The following ZBED6 variants were observed in gnomAD, a reference collection of about 807,000 sequenced individuals.
The protein encoded by ZBED6 is zinc finger BED domain-containing protein 6.
In ZBED6, 40 loss-of-function variants were observed where a neutral mutation model predicts 58.4. The observed-to-expected ratio is 0.68, with a 90% CI of 0.53 to 0.89. The LOEUF (loss-of-function observed/expected upper bound fraction) is 0.89, where lower values mean the gene tolerates loss of function less well. Among genes scored for constraint, ZBED6 ranks in the 40% least tolerant of loss-of-function variants. The probability of loss-of-function intolerance (pLI) is 0.00; values close to 1 mark genes in which losing one functional copy is unlikely to be tolerated. For missense variants in ZBED6, 1,057 were observed against 1,003.9 expected, an observed-to-expected ratio of 1.05 and a Z score of -0.71; for synonymous variants, 439 against 350.6, an observed-to-expected ratio of 1.25 and a Z score of -2.82.
intron 9 of ZBED6, among the ~76,000 whole-genome samples, chr1:203,837,582 C>T (rs544971759): frequency 6.6e-6 from 1 of 152,026 alleles, no homozygotes; most frequent in Admixed American, 6.6e-5. Context: ...TCAAGTGATC[C>T]TTCTGCTTCA....
chr1:203,798,581 A>G, exon 1 of ZBED6: 1 of 1,536,164 alleles, frequency 6.5e-7, no homozygotes, highest in Non-Finnish European at 8.7e-7. Flanking sequence ...AAAAGTCTAC[A>G]GGCAGCCAAG....
exon 1 of ZBED6, chr1:203,799,955 A>C: frequency 6.5e-7 from 1 of 1,536,132 alleles, no homozygotes. Flanking sequence ...AGATCTGCCA[A>C]ATTCCAACTT....
exon 1 of ZBED6, chr1:203,798,329 T>A (rs1186228586): frequency 1.3e-6 from 2 of 1,536,132 alleles, no homozygotes; most frequent in South Asian, 2.4e-5. Context: ...CATCTGCCGT[T>A]TGGAATTTTT....
At chr1:203,819,283 G>A (rs541210219) in intron 3 of ZBED6, among the ~76,000 whole-genome samples, 1 of 147,920 alleles carries the variant, frequency 6.8e-6, no homozygotes, top group African/African-American at 2.5e-5. Flanking sequence ...GTGCAGTGGC[G>A]CAATCTCTGC....
intron 6 of ZBED6, 72 bp from the exon 7 acceptor site, chr1:203,830,051 C>T (rs1681760794): frequency 2.2e-6 from 3 of 1,357,020 alleles, no homozygotes; most frequent in East Asian, 4.6e-5. Context: ...AAATAAATGC[C>T]TGCTATGTAC....
At chr1:203,840,205 C>A (rs1685667662) in intron 10 of ZBED6, 101 bp from the exon 11 acceptor site, 1 of 1,162,414 alleles carries the variant, frequency 8.6e-7, no homozygotes, top group Non-Finnish European at 1.2e-6. Context: ...TCCCAAAGTT[C>A]TGGGATTACA....
chr1:203,799,636 A>C, exon 1 of ZBED6: 1 of 703,446 alleles, frequency 1.4e-6, no homozygotes, highest in Non-Finnish European at 2.6e-6. Context: ...GTGAGCGTGA[A>C]GACCGCAGGA....
At chr1:203,820,467 T>G (rs1355614840) in intron 3 of ZBED6, among the ~76,000 whole-genome samples, 1 of 106,892 alleles carries the variant, frequency 9.4e-6, no homozygotes, top group African/African-American at 2.8e-5. Flanking sequence ...TATCACAAAT[T>G]ATGTGTGTGT....
intron 1 of ZBED6, among the ~76,000 whole-genome samples, chr1:203,812,151 A>T (rs886120220): frequency 6.6e-6 from 1 of 152,132 alleles, no homozygotes; most frequent in African/African-American, 2.4e-5. Flanking sequence ...GTACATGTGC[A>T]GGATGTGCAG....
At chr1:203,851,237 C>T in intron 16 of ZBED6, 113 bp downstream of exon 16, 1 of 944,416 alleles carries the variant, frequency 1.1e-6, no homozygotes, top group Non-Finnish European at 1.6e-6. Flanking sequence ...ATCTGTTGCA[C>T]TTCAAATTAA....
intron 3 of ZBED6, among the ~76,000 whole-genome samples, chr1:203,820,100 T>C (rs1678012259): frequency 6.6e-6 from 1 of 151,658 alleles, no homozygotes; most frequent in African/African-American, 2.4e-5. Flanking sequence ...TTGGGTGTGG[T>C]GGCACGCGTC....
chr1:203,833,461 G>C lies in ZBED6; in HGVS notation c.*3511-330G>C, dbSNP rs543416688. Among the ~76,000 whole-genome samples the C allele has an allele frequency of 2.6e-5, 4 of 151,870 alleles. No homozygotes were observed. The South Asian group carries it at 8.3e-4, about 32-fold the overall frequency. On this transcript the variant is annotated intron_variant, in intron 8 of 16. Transcript: ENST00000550078. ...CAGGAGAATTGCTTGAACCCAGGAG[G>C]TGGAAGTTGCAATGAGCCAAGATGG...
At chr1:203,849,782 G>T (rs756567594) in exon 14 of ZBED6, 28 of 1,613,772 alleles carry the variant, frequency 1.7e-5, no homozygotes, top group Non-Finnish European at 2.3e-5. Flanking sequence ...TGAGAGAGAA[G>T]CACATGCAGA....
intron 13 of ZBED6, among the ~76,000 whole-genome samples, chr1:203,848,702 A>ACT (rs1424442915): frequency 2.0e-5 from 3 of 152,222 alleles, no homozygotes; most frequent in Non-Finnish European, 4.4e-5. Flanking sequence ...CCTGGCTAAC[A>ACT]CGGTGAAACC....
At position 203,804,447 on chromosome 1, in the gene ZBED6, C is replaced by T. The variant is rs1571924761; in HGVS notation, c.*2554+1431C>T. On this transcript the variant is annotated intron_variant, in intron 1 of 16. Coordinates refer to ENST00000550078, the Ensembl canonical transcript of ZBED6. ...GATTACAAGCATGAGCCACCACGCC[C>T]GGCCCTTCCTGTATATCTTTTTATT... Among the ~76,000 whole-genome samples, 3 of 151,998 alleles carry T rather than the reference C, an allele frequency of 2.0e-5. No individual in the cohort carries two copies. In the South Asian group the frequency reaches 6.2e-4, roughly 32 times the overall value.
exon 15 of ZBED6, chr1:203,850,521 C>G: frequency 6.2e-7 from 1 of 1,613,800 alleles, no homozygotes. Context: ...GTAGCTAAAC[C>G]CAAAGTGAAC....
exon 15 of ZBED6, chr1:203,850,619 G>T (rs764689623): frequency 7.4e-6 from 12 of 1,614,106 alleles, no homozygotes; most frequent in Non-Finnish European, 9.3e-6. Context: ...TGTCATTGCC[G>T]CTGTGAAGCC....
exon 1 of ZBED6, chr1:203,796,705 GT>G (rs769547842): frequency 1.3e-4 from 47 of 365,380 alleles, no homozygotes; most frequent in Non-Finnish European, 2.1e-4. Flanking sequence ...CGTACAACTT[GT>G]GAGTTACTTA....
exon 1 of ZBED6, chr1:203,801,554 T>C (rs1273568763): frequency 6.6e-6 from 1 of 152,604 alleles, no homozygotes; most frequent in Non-Finnish European, 1.5e-5. Flanking sequence ...AGATCCCAAT[T>C]TTTCCTTTTT....
Sources: gnomAD v4.1 joint callset for allele counts (sites outside exome capture counted in the v4.1 genomes callset) on GRCh38, gnomAD v4.1.1 for gene constraint, MANE v1.5 for transcripts, NCBI Gene and HGNC (gene_info 2026-07-23, HGNC 2026-07-21) for gene names.